The following ZDHHC14 variants were observed in gnomAD, a reference collection of about 807,000 sequenced individuals.
ZDHHC14 encodes zDHHC palmitoyltransferase 14, also known as palmitoyltransferase ZDHHC14.
In ZDHHC14, 16 loss-of-function variants were observed where a neutral mutation model predicts 47.7. That is an observed-to-expected ratio of 0.34 (90% CI 0.23 to 0.51). The LOEUF (loss-of-function observed/expected upper bound fraction) is 0.51. Ranked by LOEUF, ZDHHC14 falls within the 20% of genes least tolerant of loss-of-function variation. The pLI, the probability that ZDHHC14 is intolerant of heterozygous loss-of-function variation, is 0.97. For synonymous variants in ZDHHC14, 293 were observed against 278.9 expected, an observed-to-expected ratio of 1.05 and a Z score of -0.50; for missense variants, 515 against 662.5, an observed-to-expected ratio of 0.78 and a Z score of 2.44.
At chr6:157,621,203 G>A (rs1303920279) in intron 3 of ZDHHC14, among the ~76,000 whole-genome samples, 1 of 152,140 alleles carries the variant, frequency 6.6e-6, no homozygotes, top group African/African-American at 2.4e-5. Context: ...ATATTTAAAT[G>A]TTCCTATTGC....
intron 5 of ZDHHC14, among the ~76,000 whole-genome samples, chr6:157,637,172 T>C (rs1777028193): frequency 6.6e-6 from 1 of 152,228 alleles, no homozygotes; most frequent in South Asian, 2.1e-4. Context: ...GTATTTTTGG[T>C]GCCTGTCTTT....
intron 4 of ZDHHC14, chr6:157,632,349 A>G (rs1352548874): frequency 6.4e-6 from 1 of 157,336 alleles, no homozygotes; most frequent in Non-Finnish European, 1.4e-5. Flanking sequence ...GACAGCTCAT[A>G]TTAAAATGTC....
At chr6:157,647,891 A>G (rs549142441) in intron 7 of ZDHHC14, among the ~76,000 whole-genome samples, 1 of 152,338 alleles carries the variant, frequency 6.6e-6, no homozygotes, top group African/African-American at 2.4e-5. Flanking sequence ...AATCTGTGTT[A>G]AGCTCTGCTC....
At chr6:157,611,647 G>A (rs950299886) in intron 3 of ZDHHC14, among the ~76,000 whole-genome samples, 4 of 152,236 alleles carry the variant, frequency 2.6e-5, no homozygotes, top group Non-Finnish European at 5.9e-5. Context: ...TCCAGCAAGG[G>A]AGGGTGGACT....
At chr6:157,475,158 G>A (rs1779451081) in intron 1 of ZDHHC14, among the ~76,000 whole-genome samples, 1 of 152,068 alleles carries the variant, frequency 6.6e-6, no homozygotes, top group South Asian at 2.1e-4. Flanking sequence ...TCCTTTGCGT[G>A]TTTTAGGAAA....
chr6:157,637,542 C>T (rs1777047100), intron 5 of ZDHHC14, among the ~76,000 whole-genome samples: 1 of 152,146 alleles, frequency 6.6e-6, no homozygotes, highest in African/African-American at 2.4e-5. Context: ...GAGCTGCCCA[C>T]GCTTTGTCCT....
chr6:157,544,564 G>T (rs554642479), intron 2 of ZDHHC14, among the ~76,000 whole-genome samples: 6 of 152,092 alleles, frequency 3.9e-5, no homozygotes, highest in Non-Finnish European at 7.4e-5. Context: ...CAGGAGAATC[G>T]CTTGAACCCA....
At chr6:157,657,566 G>A (rs113332565) in intron 8 of ZDHHC14, among the ~76,000 whole-genome samples, 2 of 152,262 alleles carry the variant, frequency 1.3e-5, no homozygotes, top group African/African-American at 2.4e-5. Flanking sequence ...TCAAGGTCTT[G>A]CTTTAAAGCC....
intron 1 of ZDHHC14, among the ~76,000 whole-genome samples, chr6:157,408,845 TG>T (rs1168830178): frequency 6.6e-6 from 1 of 152,198 alleles, no homozygotes; most frequent in Non-Finnish European, 1.5e-5. Context: ...CTGGGTCAAA[TG>T]GTATTTCTGC....
intron 1 of ZDHHC14, among the ~76,000 whole-genome samples, chr6:157,418,995 A>G (rs1474707744): frequency 1.3e-5 from 2 of 152,226 alleles, no homozygotes; most frequent in East Asian, 1.9e-4. Context: ...GGTCATATAT[A>G]GTGTAGTCCT....
At chr6:157,387,960 CTT>C (rs1034357219) in intron 1 of ZDHHC14, among the ~76,000 whole-genome samples, 3 of 152,108 alleles carry the variant, frequency 2.0e-5, no homozygotes, top group African/African-American at 4.8e-5. Flanking sequence ...GCCTCAGAAA[CTT>C]TGATTATTTG....
At chr6:157,600,460 C>G (rs1784298243) in intron 3 of ZDHHC14, among the ~76,000 whole-genome samples, 1 of 152,182 alleles carries the variant, frequency 6.6e-6, no homozygotes, top group Non-Finnish European at 1.5e-5. Flanking sequence ...TGCTCTGTCA[C>G]CCAGGCTGGA....
At chr6:157,659,116 T>G (rs77200283) in intron 8 of ZDHHC14, among the ~76,000 whole-genome samples, 14,281 of 152,288 alleles carry the variant, frequency 0.094, 881 homozygotes, top group Admixed American at 0.19. Context: ...CAATATTGTT[T>G]TATTATGAAA....
intron 1 of ZDHHC14, among the ~76,000 whole-genome samples, chr6:157,516,483 G>C (rs1780697864): frequency 6.6e-6 from 1 of 152,134 alleles, no homozygotes; most frequent in Non-Finnish European, 1.5e-5. Context: ...TGTGGACCTG[G>C]CCAGTCTTTC....
chr6:157,660,400 C>T (rs1778300140), intron 8 of ZDHHC14, among the ~76,000 whole-genome samples: 1 of 152,154 alleles, frequency 6.6e-6, no homozygotes, highest in Non-Finnish European at 1.5e-5. Flanking sequence ...ACCATGTTGG[C>T]CAGGCTGGTC....
In ZDHHC14 at chr6:157,674,277, C is replaced by T. The variant is rs1054198731; in HGVS notation, c.*1155C>T. 6.6e-6 allele frequency: 1 copy of T among 152,124 alleles called. No homozygotes were observed. Among genetic ancestry groups the T allele is most frequent in the Non-Finnish European group, 1.5e-5 (1 of 68,028 alleles). The allele number at this position is 152,124 out of a possible 1,614,324, so 9.4% of individuals were successfully genotyped here. ...TCTTCTGGGCTTCCTTCTGTGTTAACGTGTCACTCAATCCCAGAAGTGCAA... is the reference window on the plus strand; with the variant it reads ...TCTTCTGGGCTTCCTTCTGTGTTAATGTGTCACTCAATCCCAGAAGTGCAA... On this transcript the variant is annotated 3_prime_UTR_variant, in exon 9 of 9. Coordinates refer to ENST00000359775, the MANE Select transcript of ZDHHC14 (RefSeq NM_024630.3).
At chr6:157,661,208 G>A (rs914820396) in intron 8 of ZDHHC14, among the ~76,000 whole-genome samples, 2 of 152,216 alleles carry the variant, frequency 1.3e-5, no homozygotes, top group Non-Finnish European at 1.5e-5. Flanking sequence ...AGCCCAACAG[G>A]TAGCTGGATG....
chr6:157,666,447 A>G (rs1201165217), intron 8 of ZDHHC14, among the ~76,000 whole-genome samples: 2 of 152,206 alleles, frequency 1.3e-5, no homozygotes, highest in Non-Finnish European at 1.5e-5. Flanking sequence ...CGTAAATGAT[A>G]ATGTTAAATA....
At chr6:157,566,970 C>T (rs1402426581) in intron 2 of ZDHHC14, among the ~76,000 whole-genome samples, 3 of 151,874 alleles carry the variant, frequency 2.0e-5, no homozygotes, top group Non-Finnish European at 4.4e-5. Context: ...CCTGCCTCAG[C>T]CTCCAGAGTA....
Sources: gnomAD v4.1 joint callset for allele counts (sites outside exome capture counted in the v4.1 genomes callset) on GRCh38, gnomAD v4.1.1 for gene constraint, MANE v1.5 for transcripts, NCBI Gene and HGNC (gene_info 2026-07-23, HGNC 2026-07-21) for gene names.